The following ESRP1 variants were observed in gnomAD, a reference collection of about 807,000 sequenced individuals.
ESRP1 encodes the protein RNA-binding motif protein 35A.
In ESRP1, 33 loss-of-function variants were observed where a neutral mutation model predicts 81.7. That is an observed-to-expected ratio of 0.40 (90% CI 0.31 to 0.54). ESRP1 has a LOEUF of 0.54. Ranked by LOEUF, ESRP1 falls within the 20% of genes least tolerant of loss-of-function variation. The pLI is 0.41. For synonymous variants in ESRP1, 320 were observed against 303.3 expected (o/e 1.06, Z -0.57); for missense variants, 672 against 833.1 (o/e 0.81, Z 2.38).
rs1311669505 is a variant in ESRP1 at position 94,644,367 on chromosome 8, TGAC to T, written c.375+955_375+957del. On this transcript the variant is annotated intron_variant, in intron 3 of 15. Transcript: ENST00000433389. Reference sequence around the variant, plus strand: ...GCAATGAAAGATGTAGACTGACAAATGACGACCCAGGCAAGTAAGTGCAGATTT... The same window carrying T: ...GCAATGAAAGATGTAGACTGACAAATGACCCAGGCAAGTAAGTGCAGATTT... 3.9e-5 allele frequency among the ~76,000 whole-genome samples: 6 copies of T among 152,198 alleles called. No individual in the cohort carries two copies. In the South Asian group the frequency reaches 6.2e-4, roughly 16 times the overall value.
At chr8:94,696,082 C>T (rs973368347) in intron 14 of ESRP1, among the ~76,000 whole-genome samples, 1 of 152,080 alleles carries the variant, frequency 6.6e-6, no homozygotes, top group Admixed American at 6.6e-5. Flanking sequence ...AAACAAAAAA[C>T]TACTCTTTGT....
Position 94,643,226 on chromosome 8 carries a change from A to G in ESRP1, c.262-77A>G, listed in dbSNP as rs934643733. The G allele has an allele frequency of 9.5e-5, 95 of 1,003,082 alleles. No homozygotes were observed. The Admixed American group carries it at 1.7e-3, about 18-fold the overall frequency. 62.1% of individuals were successfully genotyped at this position (1,003,082 alleles called of 1,614,324 possible). A position where few individuals can be genotyped will look rare whatever the true frequency, so the allele number is the denominator to read the frequency against. On this transcript the variant is annotated intron_variant, in intron 2 of 15. Coordinates refer to ENST00000433389, the MANE Select transcript of ESRP1 (RefSeq NM_017697.4). The stretch of plus-strand genomic sequence containing the variant: ...GCCCTTATTGCGGTTTTCTCTGGCT[A>G]TCACCAAGGGGAGCTACTTTGCAGA...
chr8:94,697,957 T>A (rs752452007), intron 15 of ESRP1, among the ~76,000 whole-genome samples: 4 of 152,048 alleles, frequency 2.6e-5, no homozygotes, highest in Non-Finnish European at 2.9e-5. Flanking sequence ...TTTTTTTGTA[T>A]TTTTTAGTAG....
chr8:94,659,869 C>G (rs987655548), intron 4 of ESRP1, among the ~76,000 whole-genome samples: 2 of 152,106 alleles, frequency 1.3e-5, no homozygotes, highest in Non-Finnish European at 2.9e-5. Context: ...TTGGATAGAT[C>G]AAACTAGCTA....
At chr8:94,657,397 C>T (rs1818476377) in intron 4 of ESRP1, among the ~76,000 whole-genome samples, 1 of 151,792 alleles carries the variant, frequency 6.6e-6, no homozygotes, top group African/African-American at 2.4e-5. Context: ...CTTTTTTTCT[C>T]ATTCCTCTCT....
chr8:94,664,767 C>G lies in ESRP1; in HGVS notation c.715C>G (p.Gln239Glu). 6.2e-7 allele frequency: 1 copy of G among 1,613,926 alleles called. No individual in the cohort carries two copies. Among genetic ancestry groups the G allele is most frequent in the Non-Finnish European group, 8.5e-7 (1 of 1,179,862 alleles). ...AGGTTTACCATGGCAGTCTTCAGATCAAGATATTGCAAGATTCTTCAAAGG... is the reference window on the plus strand; with the variant it reads ...AGGTTTACCATGGCAGTCTTCAGATGAAGATATTGCAAGATTCTTCAAAGG... ...ARGLPWQSSD[Q>E]DIARFFKGLN... Residue 239 changes from glutamine (Q) to glutamate (E), a missense_variant, in exon 7 of 16, where the codon CAA (glutamine) becomes GAA (glutamate). Physicochemically the swap from Gln to Glu is conservative, Grantham distance 29 (BLOSUM62 2). Transcript: ENST00000433389.
intron 2 of ESRP1, among the ~76,000 whole-genome samples, chr8:94,642,885 T>C (rs1406710850): frequency 6.6e-6 from 1 of 152,174 alleles, no homozygotes; most frequent in East Asian, 1.9e-4. Flanking sequence ...TCCAAGACTT[T>C]CCAGATCTGT....
At chr8:94,665,684 G>C (rs1818983400) in intron 9 of ESRP1, among the ~76,000 whole-genome samples, 1 of 152,032 alleles carries the variant, frequency 6.6e-6, no homozygotes, top group South Asian at 2.1e-4. Flanking sequence ...ATAGAGATGG[G>C]GTTTCACCAT....
intron 13 of ESRP1, among the ~76,000 whole-genome samples, chr8:94,679,568 C>G (rs1808786745): frequency 6.6e-6 from 1 of 152,164 alleles, no homozygotes; most frequent in African/African-American, 2.4e-5. Context: ...GGAAATGAGA[C>G]CATGAATCTT....
At chr8:94,643,200 G>C (rs1202496784) in intron 2 of ESRP1, 103 bp from the exon 3 acceptor site, 1 of 723,134 alleles carries the variant, frequency 1.4e-6, no homozygotes, top group Non-Finnish European at 2.4e-6. Context: ...CACCCATCAG[G>C]GCCCTTATTG....
intron 9 of ESRP1, among the ~76,000 whole-genome samples, chr8:94,665,565 C>A (rs778565928): frequency 6.6e-6 from 1 of 152,158 alleles, no homozygotes; most frequent in Non-Finnish European, 1.5e-5. Context: ...AATCTCAGCT[C>A]GTTGCGACCT....
At chr8:94,695,887 A>G (rs1482972380) in intron 14 of ESRP1, among the ~76,000 whole-genome samples, 1 of 151,966 alleles carries the variant, frequency 6.6e-6, no homozygotes, top group Non-Finnish European at 1.5e-5. Flanking sequence ...ACATGGTGAA[A>G]CCCTGTCTGT....
At chr8:94,692,912 A>G (rs1809462180) in intron 14 of ESRP1, 85 bp downstream of exon 14, 3 of 1,420,788 alleles carry the variant, frequency 2.1e-6, no homozygotes, top group East Asian at 4.8e-5. Flanking sequence ...AAAGAAACAG[A>G]TTCTATGAAA....
At chr8:94,703,923 T>C (rs1341746834) in intron 15 of ESRP1, among the ~76,000 whole-genome samples, 1 of 152,196 alleles carries the variant, frequency 6.6e-6, no homozygotes, top group Non-Finnish European at 1.5e-5. Flanking sequence ...GTAAAATAGA[T>C]ACTGATCAAT....
At chr8:94,663,177 T>C (rs965449188) in intron 6 of ESRP1, among the ~76,000 whole-genome samples, 4 of 152,208 alleles carry the variant, frequency 2.6e-5, no homozygotes, top group African/African-American at 9.7e-5. Context: ...AAAGGAGAAA[T>C]TGTAGGCTTT....
At chr8:94,663,889 G>A (rs2130612172) in intron 6 of ESRP1, among the ~76,000 whole-genome samples, 1 of 151,920 alleles carries the variant, frequency 6.6e-6, no homozygotes, top group Non-Finnish European at 1.5e-5. Flanking sequence ...ACATTCTCTG[G>A]GATGGCTCCC....
chr8:94,692,378 G>A (rs1226211134), intron 13 of ESRP1, among the ~76,000 whole-genome samples: 3 of 152,064 alleles, frequency 2.0e-5, no homozygotes, highest in Non-Finnish European at 1.5e-5. Flanking sequence ...CTCGGAAGTG[G>A]TGCTTTGCGG....
chr8:94,700,006 C>T (rs74433898), intron 15 of ESRP1, among the ~76,000 whole-genome samples: 3,581 of 152,252 alleles, frequency 0.024, 50 homozygotes, highest in Non-Finnish European at 0.035. Context: ...TTGAGACCCA[C>T]CATAACCCTG....
chr8:94,703,526 T>G (rs1297168126), intron 15 of ESRP1, among the ~76,000 whole-genome samples: 2 of 152,164 alleles, frequency 1.3e-5, no homozygotes. Flanking sequence ...TAACTTTAAC[T>G]TTTCCTGGCA....
Sources: gnomAD v4.1 joint callset for allele counts (sites outside exome capture counted in the v4.1 genomes callset) on GRCh38, gnomAD v4.1.1 for gene constraint, MANE v1.5 for transcripts, NCBI Gene and HGNC (gene_info 2026-07-23, HGNC 2026-07-21) for gene names.